The following MEST variants were observed in gnomAD, a reference collection of about 807,000 sequenced individuals.
MEST encodes the protein mesoderm-specific transcript homolog protein.
Under a neutral mutation model 50.9 loss-of-function variants are expected in MEST, and 18 were observed. The ratio of observed to expected loss-of-function variants is 0.35; its 90% CI spans 0.24 to 0.52. MEST has a LOEUF of 0.52. MEST is among the 20% of genes least tolerant of loss of function. The pLI is 0.94. For synonymous variants in MEST, 130 were observed against 154.1 expected (o/e 0.84, Z 1.16); for missense variants, 282 against 425.3 (o/e 0.66, Z 2.96).
At position 130,492,190 on chromosome 7, in the gene MEST, C is replaced by T. The variant is rs1254044472; in HGVS notation, c.-124C>T. Reference sequence around the variant, plus strand: ...GTGGCTGTAGCTGCCCGGCGCGGCGCCGCCCTGCGCGGGCTGTGGGCTGCG... The same window carrying T: ...GTGGCTGTAGCTGCCCGGCGCGGCGTCGCCCTGCGCGGGCTGTGGGCTGCG... On this transcript the variant is annotated 5_prime_UTR_variant, in exon 1 of 12. Coordinates refer to ENST00000223215, the MANE Select transcript of MEST (RefSeq NM_002402.4). This position sits in a 1 kb window ranked among gnomAD's most constrained non-coding sequence, Gnocchi z 7.6. 1.7e-5 allele frequency: 13 copies of T among 783,162 alleles called. No homozygotes were observed. The highest frequency in any genetic ancestry group is 2.0e-5 in the Non-Finnish European group (12 of 595,246). 48.5% of individuals were successfully genotyped at this position (783,162 alleles called of 1,614,324 possible). A position where few individuals can be genotyped will look rare whatever the true frequency, so the allele number is the denominator to read the frequency against.
Position 130,492,406 on chromosome 7 carries a change from G to T in MEST, c.26+67G>T. 8.2e-7 allele frequency: 1 copy of T among 1,213,542 alleles called. No individual in the cohort carries two copies. 75.2% of individuals were successfully genotyped at this position (1,213,542 alleles called of 1,614,324 possible). On this transcript the variant is annotated intron_variant, in intron 1 of 11. Coordinates refer to ENST00000223215, the MANE Select transcript of MEST (RefSeq NM_002402.4). The surrounding 1 kb of genome is among the most constrained non-coding windows in gnomAD (Gnocchi z 7.6). ...TGGGACTAGGGCGCAGGCGAGCGGA[G>T]GACTGTGTGCCCGTGTCCGAGCTGG...
In MEST at chr7:130,492,423, C is replaced by T. The variant is rs541348866; in HGVS notation, c.26+84C>T. 7 of 1,152,500 alleles carry T rather than the reference C, an allele frequency of 6.1e-6. No homozygotes were observed. In the African/African-American group the frequency reaches 6.4e-5, roughly 10 times the overall value. 71.4% of individuals were successfully genotyped at this position (1,152,500 alleles called of 1,614,324 possible). ...CGAGCGGAGGACTGTGTGCCCGTGT[C>T]CGAGCTGGGGCTGCCTCTGGGCGAA... is the stretch of plus-strand genomic sequence containing the variant. On this transcript the variant is annotated intron_variant, in intron 1 of 11. Transcript: ENST00000223215. The surrounding 1 kb of genome is among the most constrained non-coding windows in gnomAD (Gnocchi z 7.6).
intron 11 of MEST, 41 bp from the exon 12 acceptor site, chr7:130,504,898 T>C (rs1554439486): frequency 6.6e-7 from 1 of 1,525,022 alleles, no homozygotes; most frequent in Non-Finnish European, 9.1e-7. Flanking sequence ...TCCCTCCCGC[T>C]CCAGCCTCAA....
Position 130,495,010 on chromosome 7 carries a change from A to G in MEST, c.27-358A>G, listed in dbSNP as rs553661099. Among the ~76,000 whole-genome samples, 3 of 152,328 alleles carry G rather than the reference A, an allele frequency of 2.0e-5. No individual in the cohort carries two copies. The East Asian group carries it at 5.8e-4, about 29-fold the overall frequency. The stretch of plus-strand genomic sequence containing the variant: ...GGGAAGCCTTGATAAAAGTCAACGA[A>G]AGAGTGTCCAGCATTTAAGTCATGT... On this transcript the variant is annotated intron_variant, in intron 1 of 11. Coordinates refer to ENST00000223215, the MANE Select transcript of MEST (RefSeq NM_002402.4).
In MEST at chr7:130,503,996, G is replaced by A; in HGVS notation, c.890G>A (p.Arg297Lys). ...TATCCAGAGTTTTTGGAGCTGTACAGGTGAGTCTCCCCGAGAGAAGTCTAT... is the reference window on the plus strand; with the variant it reads ...TATCCAGAGTTTTTGGAGCTGTACAAGTGAGTCTCCCCGAGAGAAGTCTAT... The part of the protein sequence containing the change: ...NPYPEFLELY[R>K]KTLPRSTVSI... Residue 297 changes from arginine (R) to lysine (K), a missense_variant and splice_region_variant, in exon 11 of 12, where the codon AGG becomes AAG. By Grantham distance (26) the Arg-to-Lys change is conservative. Transcript: ENST00000223215. 3 of 1,611,672 alleles carry A rather than the reference G, an allele frequency of 1.9e-6. No homozygotes were observed. The highest frequency in any genetic ancestry group is 2.2e-5 in the East Asian group (1 of 44,868).
rs782250453 is a variant in MEST at position 130,497,114 on chromosome 7, A to G, written c.182-42A>G. 4.8e-5 allele frequency: 73 copies of G among 1,516,500 alleles called. No individual in the cohort carries two copies. The highest frequency in any genetic ancestry group is 6.2e-5 in the Non-Finnish European group (68 of 1,104,464). 93.9% of individuals were successfully genotyped at this position (1,516,500 alleles called of 1,614,324 possible). On this transcript the variant is annotated intron_variant, in intron 2 of 11. Transcript: ENST00000223215. The surrounding 1 kb of genome is among the most constrained non-coding windows in gnomAD (Gnocchi z 4.0). ...TTTTAACATCTTCGAGGTTATTTTT[A>G]TAGGGATTTGGCATAATTGATTGTA...
chr7:130,499,164 G>A (rs1044366873), intron 6 of MEST, among the ~76,000 whole-genome samples: 1 of 152,180 alleles, frequency 6.6e-6, no homozygotes, highest in Admixed American at 6.5e-5. Flanking sequence ...GCAGTGCCAA[G>A]TTTCAGTTAG....
chr7:130,502,610 T>G, intron 9 of MEST, 34 bp from the exon 10 acceptor site: 1 of 1,538,202 alleles, frequency 6.5e-7, no homozygotes, highest in Non-Finnish European at 9.0e-7. Context: ...TAAAGGTTTC[T>G]TGTTCTGCAC....
In MEST at chr7:130,492,180, C is replaced by T. The variant is rs1432072375; in HGVS notation, c.-134C>T. On this transcript the variant is annotated 5_prime_UTR_variant, in exon 1 of 12. Transcript: ENST00000223215. The surrounding 1 kb of genome is among the most constrained non-coding windows in gnomAD (Gnocchi z 7.6). ...GCACGCCGGAGTGGCTGTAGCTGCC[C>T]GGCGCGGCGCCGCCCTGCGCGGGCT... 2.2e-5 allele frequency: 14 copies of T among 622,562 alleles called. No individual in the cohort carries two copies. Among genetic ancestry groups the T allele is most frequent in the Admixed American group, 9.7e-5 (2 of 20,532 alleles). 38.6% of individuals were successfully genotyped at this position (622,562 alleles called of 1,614,324 possible). A position where few individuals can be genotyped will look rare whatever the true frequency, so the allele number is the denominator to read the frequency against.
At chr7:130,499,426 T>C (rs1323939078) in intron 6 of MEST, among the ~76,000 whole-genome samples, 1 of 152,174 alleles carries the variant, frequency 6.6e-6, no homozygotes, top group Non-Finnish European at 1.5e-5. Context: ...TTAACCCTCG[T>C]GTTCTGAGTG....
At chr7:130,493,087 G>C (rs2116233480) in intron 1 of MEST, 1 of 152,282 alleles carries the variant, frequency 6.6e-6, no homozygotes, top group Middle Eastern at 3.4e-3. Context: ...ACGGTGGCGG[G>C]AGTCACCGCA....
rs782734198 is a variant in MEST at position 130,498,416 on chromosome 7, T to C, written c.477-3T>C. 1 of 1,613,976 alleles carries C rather than the reference T, an allele frequency of 6.2e-7. No individual in the cohort carries two copies. Among genetic ancestry groups the C allele is most frequent in the East Asian group, 2.2e-5 (1 of 44,878 alleles). On this transcript the variant is annotated splice_polypyrimidine_tract_variant and splice_region_variant and intron_variant, in intron 5 of 11. Transcript: ENST00000223215. Reference sequence around the variant, plus strand: ...CATGTGTGTTTCCTCGTCTCCCTTCTAGGTACAAGCAGAATCGATCTGGTC... The same window carrying C: ...CATGTGTGTTTCCTCGTCTCCCTTCCAGGTACAAGCAGAATCGATCTGGTC...
chr7:130,503,887 C>G (rs1554439145), intron 10 of MEST, 46 bp from the exon 11 acceptor site: 2 of 1,420,072 alleles, frequency 1.4e-6, no homozygotes, highest in Admixed American at 3.4e-5. Context: ...GGGAGTAGAA[C>G]AGATGTGAGA....
At chr7:130,503,794 C>A in intron 10 of MEST, 139 bp from the exon 11 acceptor site, 2 of 637,558 alleles carry the variant, frequency 3.1e-6, no homozygotes, top group Non-Finnish European at 5.5e-6. Flanking sequence ...CCAGCCTGAG[C>A]AAGGGAGAGA....
intron 6 of MEST, among the ~76,000 whole-genome samples, 186 bp from the exon 7 acceptor site, chr7:130,499,689 C>A (rs1799202819): frequency 1.3e-5 from 2 of 152,024 alleles, no homozygotes; most frequent in South Asian, 4.1e-4. Context: ...AATGGGCTTG[C>A]CTTTGACCTA....
chr7:130,498,673 TAAAG>T (rs782014342), intron 6 of MEST, 196 bp downstream of exon 6: 15 of 618,536 alleles, frequency 2.4e-5, no homozygotes, highest in African/African-American at 7.4e-5. Flanking sequence ...TGTTTTAAAA[TAAAG>T]AAACAAACAG....
Position 130,499,820 on chromosome 7 carries a change from A to T in MEST, c.536-55A>T, listed in dbSNP as rs530943690. The stretch of plus-strand genomic sequence containing the variant: ...CAACCCAGTGAGATCCCGTCTCTAT[A>T]AAAAAAAAAAAATTAAAGCTGTAGG... On this transcript the variant is annotated intron_variant, in intron 6 of 11. Transcript: ENST00000223215. The T allele has an allele frequency of 2.2e-4, 133 of 612,382 alleles. 1 individual carries two copies. The African/African-American group carries it at 2.7e-3, about 12-fold the overall frequency. The allele number at this position is 612,382 out of a possible 1,614,324, so 37.9% of individuals were successfully genotyped here.
Position 130,492,404 on chromosome 7 carries a change from G to T in MEST, c.26+65G>T. The stretch of plus-strand genomic sequence containing the variant: ...CCTGGGACTAGGGCGCAGGCGAGCG[G>T]AGGACTGTGTGCCCGTGTCCGAGCT... On this transcript the variant is annotated intron_variant, in intron 1 of 11. Transcript: ENST00000223215. The surrounding 1 kb of genome is among the most constrained non-coding windows in gnomAD (Gnocchi z 7.6). 8.2e-7 allele frequency: 1 copy of T among 1,220,912 alleles called. No individual in the cohort carries two copies. The highest frequency in any genetic ancestry group is 1.0e-6 in the Non-Finnish European group (1 of 966,838). 75.6% of individuals were successfully genotyped at this position (1,220,912 alleles called of 1,614,324 possible).
upstream of MEST, among the ~76,000 whole-genome samples, chr7:130,491,850 C>T (rs1372706233): frequency 5.9e-5 from 9 of 151,998 alleles, no homozygotes; most frequent in African/African-American, 1.9e-4. This position sits in a 1 kb window ranked among gnomAD's most constrained non-coding sequence, Gnocchi z 6.8. Context: ...TCAGGGTTGG[C>T]GGTTAACGAG....
Sources: gnomAD v4.1 joint callset for allele counts (sites outside exome capture counted in the v4.1 genomes callset) on GRCh38, gnomAD v4.1.1 for gene constraint, Gnocchi (gnomAD v3.1) non-coding constraint, MANE v1.5 for transcripts, NCBI Gene and HGNC (gene_info 2026-07-23, HGNC 2026-07-21) for gene names.